The following IQGAP2 variants were observed in gnomAD, a reference collection of about 807,000 sequenced individuals.
IQGAP2 encodes the protein IQ motif containing GTPase activating protein 2.
IQGAP2 carries 173 observed loss-of-function variants against 201.3 expected under a neutral mutation model. The observed-to-expected ratio is 0.86, with a 90% CI of 0.76 to 0.98. The LOEUF (loss-of-function observed/expected upper bound fraction) is 0.98. IQGAP2 is among the 50% of genes least tolerant of loss of function. IQGAP2 has a pLI of 0.00. For missense variants in IQGAP2, 1,687 were observed against 1,864.8 expected, an observed-to-expected ratio of 0.90 and a Z score of 1.76; for synonymous variants, 675 against 673.9, an observed-to-expected ratio of 1.00 and a Z score of -0.03.
rs1744933364 is a variant in IQGAP2 at position 76,677,610 on chromosome 5, G to A, written c.3660+260G>A. The A allele has an allele frequency of 2.8e-5, 8 of 285,878 alleles. No homozygotes were observed. In the South Asian group the frequency reaches 3.3e-4, roughly 12 times the overall value. 17.7% of individuals were successfully genotyped at this position (285,878 alleles called of 1,614,324 possible). The stretch of plus-strand genomic sequence containing the variant: ...AAAACTTCTCCCCAAAAAAGAAAGT[G>A]TACTTTTGGCATAATCCATTTACAA... On this transcript the variant is annotated intron_variant, in intron 28 of 35. Coordinates refer to ENST00000274364, the MANE Select transcript of IQGAP2 (RefSeq NM_006633.5).
intron 24 of IQGAP2, among the ~76,000 whole-genome samples, chr5:76,672,443 A>C (rs924229884): frequency 7.2e-5 from 11 of 152,248 alleles, no homozygotes; most frequent in Admixed American, 2.0e-4. Context: ...GTGTACACAG[A>C]GAATTATGTA....
At chr5:76,451,626 C>T (rs192991109) in intron 1 of IQGAP2, among the ~76,000 whole-genome samples, 222 of 152,344 alleles carry the variant, frequency 1.5e-3, no homozygotes, top group African/African-American at 5.1e-3. Flanking sequence ...GACCATGATC[C>T]TTTTCTAGAA....
intron 32 of IQGAP2, among the ~76,000 whole-genome samples, chr5:76,697,783 G>A (rs1379808731): frequency 2.0e-5 from 3 of 152,180 alleles, no homozygotes; most frequent in South Asian, 2.1e-4. Flanking sequence ...GTCTCTTAAA[G>A]TGAAATATGT....
rs956032663 is a variant in IQGAP2 at position 76,455,608 on chromosome 5, A to T, written c.47-5962A>T. 2.0e-5 allele frequency among the ~76,000 whole-genome samples: 3 copies of T among 149,698 alleles called. No individual in the cohort carries two copies. In the East Asian group the frequency reaches 5.9e-4, roughly 30 times the overall value. ...TCCTGATGCCATGTACATTGAAAGC[A>T]TATTTGCAGAAAAGGATAAATTATT... On this transcript the variant is annotated intron_variant, in intron 1 of 35. Coordinates refer to ENST00000274364, the MANE Select transcript of IQGAP2 (RefSeq NM_006633.5).
chr5:76,484,235 T>C (rs1347058170), intron 2 of IQGAP2, among the ~76,000 whole-genome samples: 1 of 152,166 alleles, frequency 6.6e-6, no homozygotes, highest in African/African-American at 2.4e-5. Flanking sequence ...TGTAATTTCA[T>C]GTGTTGTGAA....
intron 5 of IQGAP2, among the ~76,000 whole-genome samples, chr5:76,578,336 T>C (rs978030974): frequency 2.0e-5 from 3 of 151,418 alleles, no homozygotes; most frequent in African/African-American, 4.9e-5. Flanking sequence ...TTTTTTGAGA[T>C]GGAGTCTCAC....
intron 2 of IQGAP2, among the ~76,000 whole-genome samples, chr5:76,503,035 C>T (rs746074767): frequency 6.6e-6 from 1 of 152,062 alleles, no homozygotes; most frequent in Non-Finnish European, 1.5e-5. Context: ...CATGAGACAC[C>T]ATGCCCGACC....
At chr5:76,421,988 T>C (rs985500068) in intron 1 of IQGAP2, among the ~76,000 whole-genome samples, 1 of 152,232 alleles carries the variant, frequency 6.6e-6, no homozygotes, top group Non-Finnish European at 1.5e-5. Context: ...ATCTATGTGC[T>C]TGGTGCCTGA....
chr5:76,552,136 C>A (rs1302575738), intron 2 of IQGAP2, among the ~76,000 whole-genome samples: 1 of 152,138 alleles, frequency 6.6e-6, no homozygotes, highest in Non-Finnish European at 1.5e-5. Context: ...ATGCTCACAC[C>A]CAGAGCCAGA....
chr5:76,412,989 G>A (rs2150072630), intron 1 of IQGAP2, among the ~76,000 whole-genome samples: 1 of 152,036 alleles, frequency 6.6e-6, no homozygotes, highest in East Asian at 1.9e-4. Flanking sequence ...GGGCAGGGAT[G>A]GTGATGGCAG....
At position 76,597,460 on chromosome 5, in the gene IQGAP2, T is replaced by G. The variant is rs1346509965; in HGVS notation, c.929T>G (p.Ile310Ser). ...TCAGGGCAGGCTGCAGTGGACCATA[T>G]CAATGCTGTCATTCCGGAAGGTGAC... ...KVNRQAAVDH[I>S]NAVIPEGDPE... The change falls in exon 10 of 36, where the codon ATC (isoleucine) becomes AGC (serine). Residue 310 changes from isoleucine (I) to serine (S), a missense_variant. Physicochemically the swap from Ile to Ser is moderately radical, Grantham distance 142. Transcript: ENST00000274364. The G allele has an allele frequency of 6.2e-7, 1 of 1,613,766 alleles. No individual in the cohort carries two copies. Among genetic ancestry groups the G allele is most frequent in the Non-Finnish European group, 8.5e-7 (1 of 1,179,942 alleles).
rs770735163 is a variant in IQGAP2 at position 76,673,558 on chromosome 5, A to T, written c.3178A>T (p.Asn1060Tyr). 6.2e-7 allele frequency: 1 copy of T among 1,614,042 alleles called. No homozygotes were observed. The highest frequency in any genetic ancestry group is 1.1e-5 in the South Asian group (1 of 91,072). The stretch of plus-strand genomic sequence containing the variant: ...GAGAAGGGTCACCGACAAAGTCCTG[A>T]ATTCTATCATTTCTTCCCTTGATCT... ...NLRRVTDKVL[N>Y]SIISSLDLLP... The change falls in exon 25 of 36, where the codon AAT (asparagine) becomes TAT (tyrosine). Residue 1060 changes from asparagine (N) to tyrosine (Y), a missense_variant. Physicochemically the swap from Asn to Tyr is moderately radical, Grantham distance 143. Coordinates refer to ENST00000274364, the MANE Select transcript of IQGAP2 (RefSeq NM_006633.5).
chr5:76,507,476 GT>G (rs530251772), intron 2 of IQGAP2, among the ~76,000 whole-genome samples: 164 of 152,200 alleles, frequency 1.1e-3, no homozygotes, highest in African/African-American at 3.7e-3. Context: ...ATGACTGTAG[GT>G]TTGGCATTGA....
At chr5:76,472,441 A>T (rs1481075340) in intron 2 of IQGAP2, among the ~76,000 whole-genome samples, 1 of 152,166 alleles carries the variant, frequency 6.6e-6, no homozygotes, top group African/African-American at 2.4e-5. Flanking sequence ...GAATGGAAGG[A>T]ACACTTATTA....
chr5:76,494,012 C>T (rs1756727037), intron 2 of IQGAP2, among the ~76,000 whole-genome samples: 1 of 152,164 alleles, frequency 6.6e-6, no homozygotes, highest in Non-Finnish European at 1.5e-5. Flanking sequence ...TATGCTAGAT[C>T]ATCTCTAGAT....
intron 30 of IQGAP2, among the ~76,000 whole-genome samples, 162 bp downstream of exon 30, chr5:76,684,079 A>T (rs1014748475): frequency 1.3e-5 from 2 of 152,250 alleles, no homozygotes; most frequent in African/African-American, 4.8e-5. Context: ...TAGACTCTTT[A>T]GAATTTAGGA....
intron 17 of IQGAP2, among the ~76,000 whole-genome samples, chr5:76,648,890 G>C (rs1752296036): frequency 6.6e-6 from 1 of 152,174 alleles, no homozygotes; most frequent in Admixed American, 6.5e-5. Flanking sequence ...AAGAAATAAA[G>C]AACAGAGCCT....
chr5:76,505,569 A>C (rs946368714), intron 2 of IQGAP2, among the ~76,000 whole-genome samples: 3 of 152,180 alleles, frequency 2.0e-5, no homozygotes, highest in Non-Finnish European at 4.4e-5. Context: ...AAGAAAAAAA[A>C]AATCCTCTTA....
chr5:76,697,363 G>C (rs1397507889), intron 32 of IQGAP2, among the ~76,000 whole-genome samples: 4 of 152,182 alleles, frequency 2.6e-5, no homozygotes, highest in South Asian at 4.1e-4. Context: ...GTCTGAAGAG[G>C]CTGGGCACAA....
Sources: allele counts gnomAD v4.1 joint callset (sites outside exome capture counted in the v4.1 genomes callset), GRCh38; gene constraint gnomAD v4.1.1; transcripts MANE v1.5; gene names NCBI Gene and HGNC (gene_info 2026-07-23, HGNC 2026-07-21).